CLSTN2: variants seen among roughly 807,000 people sequenced by gnomAD.
CLSTN2 encodes the protein calsyntenin-2.
Under a neutral mutation model 101.2 loss-of-function variants are expected in CLSTN2, and 48 were observed. That is an observed-to-expected ratio of 0.47 (90% CI 0.38 to 0.60). The LOEUF (loss-of-function observed/expected upper bound fraction) is 0.60. Ranked by LOEUF, CLSTN2 falls within the 20% of genes least tolerant of loss-of-function variation. The pLI, the probability that CLSTN2 is intolerant of heterozygous loss-of-function variation, is 0.00. For missense variants in CLSTN2, 1,160 were observed against 1,238.2 expected, an observed-to-expected ratio of 0.94 and a Z score of 0.95; for synonymous variants, 481 against 463.6, an observed-to-expected ratio of 1.04 and a Z score of -0.48.
intron 1 of CLSTN2, among the ~76,000 whole-genome samples, chr3:140,127,457 C>T (rs868378938): frequency 6.6e-6 from 1 of 152,172 alleles, no homozygotes; most frequent in Admixed American, 6.5e-5. Context: ...TGCAGCCTAC[C>T]TTCTGGATCT....
chr3:139,958,175 T>C (rs1935444271), intron 1 of CLSTN2, among the ~76,000 whole-genome samples: 1 of 152,134 alleles, frequency 6.6e-6, no homozygotes, highest in African/African-American at 2.4e-5. Context: ...CTGCTTGATT[T>C]GTGGCCTGGA....
chr3:140,366,151 A>T (rs1233747250), intron 2 of CLSTN2, among the ~76,000 whole-genome samples: 1 of 152,128 alleles, frequency 6.6e-6, no homozygotes, highest in Admixed American at 6.5e-5. Flanking sequence ...ACTTTCCCTG[A>T]TCGTACTGAT....
At chr3:140,560,168 T>C (rs1478635440) in intron 12 of CLSTN2, among the ~76,000 whole-genome samples, 1 of 152,252 alleles carries the variant, frequency 6.6e-6, no homozygotes, top group Non-Finnish European at 1.5e-5. Context: ...AGCGCTATTA[T>C]AAGTGCCTTT....
At chr3:140,163,433 C>G (rs1397434541) in intron 1 of CLSTN2, among the ~76,000 whole-genome samples, 1 of 151,844 alleles carries the variant, frequency 6.6e-6, no homozygotes, top group Non-Finnish European at 1.5e-5. Flanking sequence ...CACACACACA[C>G]ACACACACAC....
At chr3:140,133,504 A>C (rs2009554358) in intron 1 of CLSTN2, among the ~76,000 whole-genome samples, 1 of 152,208 alleles carries the variant, frequency 6.6e-6, no homozygotes, top group Non-Finnish European at 1.5e-5. Flanking sequence ...ACCTGGAAGC[A>C]GTTGGCACTT....
intron 1 of CLSTN2, among the ~76,000 whole-genome samples, chr3:140,067,870 A>C (rs1465362346): frequency 6.6e-6 from 1 of 152,218 alleles, no homozygotes; most frequent in Non-Finnish European, 1.5e-5. Context: ...ACTAAAAAAA[A>C]GTAGTAATGT....
chr3:140,489,673 G>C (rs1445492056), intron 8 of CLSTN2, among the ~76,000 whole-genome samples: 5 of 151,978 alleles, frequency 3.3e-5, no homozygotes, highest in Admixed American at 3.3e-4. Flanking sequence ...ACCCTGTGTT[G>C]GCTCTAAAAG....
rs1345497485 is a variant in CLSTN2 at position 140,044,530 on chromosome 3, C to T, written c.109+109047C>T. 3.1e-4 allele frequency among the ~76,000 whole-genome samples: 47 copies of T among 152,182 alleles called. 1 individual carries two copies. In the East Asian group the frequency reaches 8.5e-3, roughly 28 times the overall value. Reference sequence around the variant, plus strand: ...ATTGAATACCCTTTATTTCTTTCTCCTGCCTGATTGCCCTGGCCAGAACTT... The same window carrying T: ...ATTGAATACCCTTTATTTCTTTCTCTTGCCTGATTGCCCTGGCCAGAACTT... On this transcript the variant is annotated intron_variant, in intron 1 of 16. Coordinates refer to ENST00000458420, the MANE Select transcript of CLSTN2 (RefSeq NM_022131.3).
chr3:140,429,276 T>C (rs1460138305), intron 5 of CLSTN2, among the ~76,000 whole-genome samples: 2 of 152,116 alleles, frequency 1.3e-5, no homozygotes, highest in Admixed American at 6.6e-5. Flanking sequence ...GGGTAGGATC[T>C]ACCAGAACTC....
chr3:140,558,777 G>A lies in CLSTN2; in HGVS notation c.1961G>A (p.Arg654Lys), dbSNP rs770215430. The A allele has an allele frequency of 6.2e-7, 1 of 1,613,938 alleles. No homozygotes were observed. Among genetic ancestry groups the A allele is most frequent in the African/African-American group, 1.3e-5 (1 of 74,888 alleles). The change falls in exon 12 of 17, where the codon AGG becomes AAG. Residue 654 changes from arginine (R) to lysine (K), a missense_variant. Coordinates refer to ENST00000458420, the MANE Select transcript of CLSTN2 (RefSeq NM_022131.3). ...WRPAAQFESA[R>K]GVTLFPDIKI... is the part of the protein sequence containing the mutation. ...CCTGCTGCCCAGTTTGAAAGTGCCA[G>A]GGGAGTGACCCTCTTCCCTGATATC... is the stretch of plus-strand genomic sequence containing the variant.
chr3:140,286,458 G>C (rs1048281781), intron 2 of CLSTN2, among the ~76,000 whole-genome samples: 1 of 152,180 alleles, frequency 6.6e-6, no homozygotes, highest in Admixed American at 6.5e-5. Context: ...TGATGTCCCT[G>C]ACAAATTAGG....
intron 5 of CLSTN2, among the ~76,000 whole-genome samples, chr3:140,424,611 G>C (rs1169924803): frequency 6.6e-6 from 1 of 152,208 alleles, no homozygotes; most frequent in African/African-American, 2.4e-5. Context: ...GAGCAAACTG[G>C]AACGAACTAT....
intron 7 of CLSTN2, 116 bp downstream of exon 7, chr3:140,459,885 G>A (rs530561147): frequency 3.9e-5 from 46 of 1,178,114 alleles, no homozygotes; most frequent in African/African-American, 3.0e-4. Context: ...AGGAGCCTGA[G>A]AGGAACCCTG....
At chr3:140,253,639 G>A (rs1431602663) in intron 2 of CLSTN2, among the ~76,000 whole-genome samples, 1 of 152,088 alleles carries the variant, frequency 6.6e-6, no homozygotes, top group Non-Finnish European at 1.5e-5. Context: ...TGGAAGACCT[G>A]TTTCTTTATT....
At chr3:140,466,238 T>C (rs1236535150) in intron 7 of CLSTN2, among the ~76,000 whole-genome samples, 1 of 152,196 alleles carries the variant, frequency 6.6e-6, no homozygotes, top group African/African-American at 2.4e-5. Flanking sequence ...GAGTGACTGA[T>C]GTGATTGGCA....
At chr3:140,185,172 C>T (rs1231985344) in intron 2 of CLSTN2, among the ~76,000 whole-genome samples, 1 of 152,180 alleles carries the variant, frequency 6.6e-6, no homozygotes, top group South Asian at 2.1e-4. Flanking sequence ...TCTGCAGAAT[C>T]CTCCTGAGTT....
chr3:140,223,594 T>C (rs1429880512), intron 2 of CLSTN2, among the ~76,000 whole-genome samples: 1 of 152,196 alleles, frequency 6.6e-6, no homozygotes, highest in African/African-American at 2.4e-5. Context: ...AGTTTTGTTG[T>C]TTCCTTTCTT....
intron 2 of CLSTN2, among the ~76,000 whole-genome samples, chr3:140,179,302 T>C (rs2107830604): frequency 1.3e-5 from 2 of 151,546 alleles, no homozygotes; most frequent in Middle Eastern, 6.8e-3. Context: ...TTCCTTCTTG[T>C]CATTTTTCTA....
intron 1 of CLSTN2, among the ~76,000 whole-genome samples, chr3:139,978,089 GAGAGAGAAAC>G (rs1935851507): frequency 2.6e-5 from 4 of 152,208 alleles, no homozygotes; most frequent in Admixed American, 2.6e-4. Flanking sequence ...GTGCAGAGCT[GAGAGAGAAAC>G]AAAAGAGACA....
Sources: allele counts gnomAD v4.1 joint callset (sites outside exome capture counted in the v4.1 genomes callset), GRCh38; gene constraint gnomAD v4.1.1; transcripts MANE v1.5; gene names NCBI Gene and HGNC (gene_info 2026-07-23, HGNC 2026-07-21).